Variants in GMPR observed in about 807,000 individuals in gnomAD.
GMPR encodes guanosine monophosphate reductase.
GMPR carries 31 observed loss-of-function variants against 38.4 expected under a neutral mutation model. The ratio of observed to expected loss-of-function variants is 0.81; its 90% CI spans 0.61 to 1.09. The LOEUF (loss-of-function observed/expected upper bound fraction) is 1.09, where lower values mean the gene tolerates loss of function less well. Ranked by LOEUF, GMPR falls within the 50% of genes least tolerant of loss-of-function variation. The pLI is 0.00. For missense variants in GMPR, 468 were observed against 453.7 expected, an observed-to-expected ratio of 1.03 and a Z score of -0.29; for synonymous variants, 162 against 173.3, an observed-to-expected ratio of 0.93 and a Z score of 0.51.
At chr6:16,283,714 A>G (rs1176819572) in intron 6 of GMPR, among the ~76,000 whole-genome samples, 1 of 152,222 alleles carries the variant, frequency 6.6e-6, no homozygotes, top group Non-Finnish European at 1.5e-5. Context: ...GCCTCATCAC[A>G]GACCACAGTA....
intron 4 of GMPR, among the ~76,000 whole-genome samples, chr6:16,261,673 C>T (rs2113680619): frequency 6.6e-6 from 1 of 152,064 alleles, no homozygotes; most frequent in South Asian, 2.1e-4. Flanking sequence ...TTTAAAAGGC[C>T]ATGCTGTAGC....
intron 4 of GMPR, among the ~76,000 whole-genome samples, chr6:16,273,533 G>A (rs1759422358): frequency 6.6e-6 from 1 of 152,156 alleles, no homozygotes; most frequent in African/African-American, 2.4e-5. Context: ...TGTGTTCTTA[G>A]GCCAAAGCTT....
Position 16,290,456 on chromosome 6 carries a change from A to G in GMPR, c.698-6A>G. On this transcript the variant is annotated splice_region_variant and splice_polypyrimidine_tract_variant and intron_variant, in intron 7 of 8. Coordinates refer to ENST00000259727, the MANE Select transcript of GMPR (RefSeq NM_006877.4). ...ACTCGCTTTCATCCCCACCGTTGGC[A>G]TTTAGGAGCTGGAGCAGATTTTGTC... 1 of 1,613,370 alleles carries G rather than the reference A, an allele frequency of 6.2e-7. No homozygotes were observed. The highest frequency in any genetic ancestry group is 8.5e-7 in the Non-Finnish European group (1 of 1,179,410).
At chr6:16,256,351 TAAAAAAAA>T (rs200060049) in intron 4 of GMPR, among the ~76,000 whole-genome samples, 1 of 120,836 alleles carries the variant, frequency 8.3e-6, no homozygotes, top group East Asian at 2.1e-4. Flanking sequence ...CTGCATCTAC[TAAAAAAAA>T]AAAAAAAAAA....
intron 5 of GMPR, among the ~76,000 whole-genome samples, chr6:16,278,283 C>T (rs977054891): frequency 6.6e-6 from 1 of 152,120 alleles, no homozygotes; most frequent in African/African-American, 2.4e-5. Flanking sequence ...TGCCACAACC[C>T]CAGGAGGTTG....
rs182607333 is a variant in GMPR, at chr6:16,277,398, C to T, written c.548-1386C>T. ...CGGCCAGGAGCCGGAGATTAGGCTG[C>T]GCCTCAAAGCATCCCACCCCCGGGT... On this transcript the variant is annotated intron_variant, in intron 5 of 8. Transcript: ENST00000259727. Among the ~76,000 whole-genome samples the T allele has an allele frequency of 3.3e-5, 5 of 152,282 alleles. No homozygotes were observed. The East Asian group carries it at 7.7e-4, about 24-fold the overall frequency.
chr6:16,267,995 T>C (rs1759299977), intron 4 of GMPR, among the ~76,000 whole-genome samples: 1 of 152,202 alleles, frequency 6.6e-6, no homozygotes, highest in Non-Finnish European at 1.5e-5. Flanking sequence ...GCTGTACGCC[T>C]CTTCACAGAG....
At chr6:16,266,941 C>T (rs1427721969) in intron 4 of GMPR, among the ~76,000 whole-genome samples, 2 of 151,460 alleles carry the variant, frequency 1.3e-5, no homozygotes, top group African/African-American at 4.9e-5. Flanking sequence ...CAAAGGTCTG[C>T]GGCTTCACTC....
chr6:16,253,621 G>A (rs532359978), intron 3 of GMPR, among the ~76,000 whole-genome samples: 9 of 152,292 alleles, frequency 5.9e-5, no homozygotes, highest in African/African-American at 2.2e-4. Flanking sequence ...TCCACTGGGG[G>A]GGGGTCATAT....
intron 1 of GMPR, among the ~76,000 whole-genome samples, chr6:16,242,516 T>A (rs1758670534): frequency 6.6e-6 from 1 of 152,192 alleles, no homozygotes; most frequent in African/African-American, 2.4e-5. Context: ...GAGATTCTGT[T>A]TCTTGCCCTT....
At chr6:16,258,733 TCC>T in intron 4 of GMPR, among the ~76,000 whole-genome samples, 1 of 152,230 alleles carries the variant, frequency 6.6e-6, no homozygotes, top group East Asian at 1.9e-4. Flanking sequence ...TACTTTTATG[TCC>T]TTGGTTTTTG....
chr6:16,294,922 G>A, intron 8 of GMPR, 84 bp from the exon 9 acceptor site: 1 of 1,087,568 alleles, frequency 9.2e-7, no homozygotes, highest in Non-Finnish European at 1.4e-6. Flanking sequence ...GCTACAGAAA[G>A]TGCTGGAGCT....
chr6:16,286,319 C>G (rs752071378), intron 7 of GMPR, among the ~76,000 whole-genome samples: 6 of 151,956 alleles, frequency 3.9e-5, no homozygotes, highest in Non-Finnish European at 8.8e-5. Context: ...GGTGGGAGGG[C>G]AGCAGGTCCT....
intron 1 of GMPR, among the ~76,000 whole-genome samples, chr6:16,240,439 C>T (rs1224367432): frequency 3.3e-5 from 5 of 152,082 alleles, no homozygotes; most frequent in Admixed American, 2.6e-4. Flanking sequence ...AAGGCTGAGG[C>T]GGGAGGATGG....
intron 4 of GMPR, 140 bp downstream of exon 4, chr6:16,254,875 G>C: frequency 3.3e-6 from 2 of 604,764 alleles, no homozygotes; most frequent in Non-Finnish European, 5.9e-6. Flanking sequence ...GGATCATTTG[G>C]GAAAGGATAG....
Position 16,250,344 on chromosome 6 carries a change from A to G in GMPR, c.268A>G (p.Thr90Ala). Residue 90 changes from threonine to alanine, a missense_variant, in exon 3 of 9, where the codon ACA (threonine) becomes GCA (alanine). Coordinates refer to ENST00000259727, the MANE Select transcript of GMPR (RefSeq NM_006877.4). Reference sequence around the variant, plus strand: ...CCTGGATGACTGGAAGCTCTTTGCCACAAATCACCCAGAATGCCTGCAGGT... The same window carrying G: ...CCTGGATGACTGGAAGCTCTTTGCCGCAAATCACCCAGAATGCCTGCAGGT... The part of the protein sequence containing the change: ...YSLDDWKLFA[T>A]NHPECLQNVA... 10 of 1,606,638 alleles carry G rather than the reference A, an allele frequency of 6.2e-6. No homozygotes were observed. The highest frequency in any genetic ancestry group is 8.5e-6 in the Non-Finnish European group (10 of 1,173,082).
Position 16,278,822 on chromosome 6 carries a change from T to A in GMPR, c.586T>A (p.Tyr196Asn). The A allele has an allele frequency of 6.2e-7, 1 of 1,614,028 alleles. No homozygotes were observed. The highest frequency in any genetic ancestry group is 8.5e-7 in the Non-Finnish European group (1 of 1,179,884). The change falls in exon 6 of 9, where the codon TAC becomes AAC. Residue 196 changes from tyrosine (Y) to asparagine (N), a missense_variant. Tyr to Asn is a moderately radical substitution (Grantham distance 143). Transcript: ENST00000259727. ...CACCCGCACCAAGACGGGAGTGGGG[T>A]ACCCCCAGCTGAGTGCCGTCATTGA... ...CTTRTKTGVGYPQLSAVIECA... is the reference protein window; with the variant it reads ...CTTRTKTGVGNPQLSAVIECA...
rs547087862 is a variant in GMPR, at chr6:16,250,176, G to A, written c.208-108G>A. ...CATTCAAAGCAAATTAAGCATGGAT[G>A]GCAGGAACACTGATGCCTTTGTCTT... On this transcript the variant is annotated intron_variant, in intron 2 of 8. Coordinates refer to ENST00000259727, the MANE Select transcript of GMPR (RefSeq NM_006877.4). 10 of 730,422 alleles carry A rather than the reference G, an allele frequency of 1.4e-5. No homozygotes were observed. In the African/African-American group the frequency reaches 1.5e-4, roughly 11 times the overall value. 45.2% of individuals were successfully genotyped at this position (730,422 alleles called of 1,614,324 possible).
At chr6:16,263,627 G>T (rs573752875) in intron 4 of GMPR, among the ~76,000 whole-genome samples, 1 of 151,584 alleles carries the variant, frequency 6.6e-6, no homozygotes, top group South Asian at 2.1e-4. Context: ...GAGATAAGAG[G>T]TCGGGGCACG....
Sources: allele counts gnomAD v4.1 joint callset (sites outside exome capture counted in the v4.1 genomes callset), GRCh38; gene constraint gnomAD v4.1.1; transcripts MANE v1.5; gene names NCBI Gene and HGNC (gene_info 2026-07-23, HGNC 2026-07-21).